The following DGCR2 variants were observed in gnomAD, a reference collection of about 807,000 sequenced individuals.
DGCR2 encodes the protein integral membrane protein DGCR2/IDD.
In DGCR2, 24 loss-of-function variants were observed where a neutral mutation model predicts 51.6. The ratio of observed to expected loss-of-function variants is 0.47; its 90% CI spans 0.34 to 0.65. DGCR2 has a LOEUF of 0.65. DGCR2 is among the 30% of genes least tolerant of loss of function. The pLI, the probability that DGCR2 is intolerant of heterozygous loss-of-function variation, is 0.01. For synonymous variants in DGCR2, 340 were observed against 315.4 expected, an observed-to-expected ratio of 1.08 and a Z score of -0.82; for missense variants, 765 against 772.1, an observed-to-expected ratio of 0.99 and a Z score of 0.11.
At chr22:19,041,545 C>CACTTCTGT in intron 8 of DGCR2, 4 of 605,396 alleles carry the variant, frequency 6.6e-6, no homozygotes, top group Non-Finnish European at 1.2e-5. Flanking sequence ...CTCTGGCTGA[C>CACTTCTGT]CACACCCCTC....
chr22:19,105,093 C>A (rs977322516), intron 1 of DGCR2, among the ~76,000 whole-genome samples: 1 of 152,126 alleles, frequency 6.6e-6, no homozygotes, highest in Admixed American at 6.6e-5. Flanking sequence ...GAGGCTAAGG[C>A]GGGTGGATCA....
chr22:19,098,284 T>A (rs911438657), intron 1 of DGCR2, among the ~76,000 whole-genome samples: 2 of 150,782 alleles, frequency 1.3e-5, no homozygotes, highest in African/African-American at 5.0e-5. Context: ...CCTAGCCCTG[T>A]TTTCCTAAGC....
chr22:19,046,833 C>A, intron 7 of DGCR2: 2 of 348,224 alleles, frequency 5.7e-6, no homozygotes, highest in Non-Finnish European at 1.2e-5. Context: ...CTAAGAAGTC[C>A]TTGGGGCTGG....
At chr22:19,068,257 C>A (rs368648892) in intron 2 of DGCR2, 32 bp from the exon 3 acceptor site, 26 of 1,551,818 alleles carry the variant, frequency 1.7e-5, no homozygotes, top group Non-Finnish European at 2.2e-5. Context: ...TGCTGTGAGT[C>A]CTGCCTGTGC....
intron 1 of DGCR2, among the ~76,000 whole-genome samples, chr22:19,112,897 T>G (rs1360888151): frequency 6.9e-6 from 1 of 144,542 alleles, no homozygotes; most frequent in Non-Finnish European, 1.5e-5. Flanking sequence ...TTAATAGGTC[T>G]GCTGTTACTA....
chr22:19,102,857 T>G (rs2800968), intron 1 of DGCR2, among the ~76,000 whole-genome samples: 19,726 of 151,640 alleles, frequency 0.13, 2,113 homozygotes, highest in African/African-American at 0.29. Context: ...AATAGAAAAA[T>G]TTGCCAGACA....
At chr22:19,063,368 G>C (rs554949158) in intron 4 of DGCR2, 90 bp from the exon 5 acceptor site, 6 of 1,178,954 alleles carry the variant, frequency 5.1e-6, no homozygotes, top group South Asian at 1.3e-5. Context: ...TTGAGACAGA[G>C]TCTCGCTCTG....
chr22:19,058,316 A>G (rs1209351747), intron 5 of DGCR2, among the ~76,000 whole-genome samples: 1 of 152,124 alleles, frequency 6.6e-6, no homozygotes, highest in African/African-American at 2.4e-5. Flanking sequence ...CTTCCCAGGG[A>G]CATACAGGCC....
intron 1 of DGCR2, among the ~76,000 whole-genome samples, chr22:19,107,914 A>G (rs988441006): frequency 1.3e-5 from 2 of 152,250 alleles, no homozygotes; most frequent in Non-Finnish European, 2.9e-5. Flanking sequence ...TAAGAGAAAG[A>G]ACAGCTGTAG....
chr22:19,042,325 T>C (rs998896877), intron 7 of DGCR2, among the ~76,000 whole-genome samples: 2 of 152,182 alleles, frequency 1.3e-5, no homozygotes, highest in East Asian at 3.9e-4. Context: ...GGAGCGGCCC[T>C]CCTGCAGAGG....
chr22:19,105,626 T>C (rs143390846), intron 1 of DGCR2, among the ~76,000 whole-genome samples: 274 of 152,226 alleles, frequency 1.8e-3, no homozygotes, highest in African/African-American at 6.2e-3. Flanking sequence ...CGGGACCAGA[T>C]AGCTTCATGG....
chr22:19,097,069 TTTTC>T (rs1375132449), intron 1 of DGCR2, among the ~76,000 whole-genome samples: 2 of 151,546 alleles, frequency 1.3e-5, no homozygotes, highest in African/African-American at 2.4e-5. Flanking sequence ...ACACTGGGGG[TTTTC>T]TTTCTCCATA....
chr22:19,107,312 C>T (rs759144093), intron 1 of DGCR2, among the ~76,000 whole-genome samples: 2 of 152,152 alleles, frequency 1.3e-5, no homozygotes. Flanking sequence ...GGTTGCCAAG[C>T]GCTAGGGGAG....
chr22:19,073,640 A>G (rs755747851), intron 2 of DGCR2, among the ~76,000 whole-genome samples: 1 of 152,208 alleles, frequency 6.6e-6, no homozygotes, highest in Non-Finnish European at 1.5e-5. Flanking sequence ...CTGGTGTTGG[A>G]GTAAAAATGG....
intron 1 of DGCR2, among the ~76,000 whole-genome samples, chr22:19,113,044 C>G (rs1464259758): frequency 9.5e-6 from 1 of 105,602 alleles, no homozygotes; most frequent in Non-Finnish European, 2.2e-5. Context: ...ACAGAGAAAG[C>G]AAGCAAGAAC....
chr22:19,041,484 C>G (rs2082431602), intron 8 of DGCR2, 190 bp from the exon 9 acceptor site: 9 of 620,516 alleles, frequency 1.5e-5, no homozygotes, highest in East Asian at 1.1e-4. Flanking sequence ...CATGTCTCAC[C>G]CTCACCACAC....
chr22:19,044,682 G>A (rs1165098952), intron 7 of DGCR2, among the ~76,000 whole-genome samples: 1 of 152,228 alleles, frequency 6.6e-6, no homozygotes, highest in Non-Finnish European at 1.5e-5. Context: ...TTAGCCTTTC[G>A]AGCAGGGGTG....
rs915983753 is a variant in DGCR2 at position 19,057,809 on chromosome 22, G to C, written c.626-647C>G. ...AGAAACCGTGTACCCCTGCCGCAGA[G>C]AGCGTGAGGGTTGGGGACTGCTAAC... is the stretch of plus-strand genomic sequence containing the variant. On this transcript the variant is annotated intron_variant, in intron 5 of 9. Coordinates refer to ENST00000263196, the MANE Select transcript of DGCR2 (RefSeq NM_005137.3). The surrounding 1 kb of genome is among the most constrained non-coding windows in gnomAD (Gnocchi z 5.1). 1.3e-5 allele frequency among the ~76,000 whole-genome samples: 2 copies of C among 152,136 alleles called. No homozygotes were observed. The highest frequency in any genetic ancestry group is 2.9e-5 in the Non-Finnish European group (2 of 68,022).
At chr22:19,064,102 C>A (rs1221809353) in intron 4 of DGCR2, among the ~76,000 whole-genome samples, 1 of 152,238 alleles carries the variant, frequency 6.6e-6, no homozygotes, top group East Asian at 1.9e-4. Context: ...TAGTCCATGT[C>A]CCTTGGCCCA....
Sources: allele counts gnomAD v4.1 joint callset (sites outside exome capture counted in the v4.1 genomes callset), GRCh38; gene constraint gnomAD v4.1.1; non-coding constraint Gnocchi (gnomAD v3.1); transcripts MANE v1.5; gene names NCBI Gene and HGNC (gene_info 2026-07-23, HGNC 2026-07-21).